Variants in KLHL13 observed in about 807,000 individuals in gnomAD.
KLHL13 encodes kelch-like protein 13.
In KLHL13, 10 loss-of-function variants were observed where a neutral mutation model predicts 37.1. The ratio of observed to expected loss-of-function variants is 0.27; its 90% confidence interval spans 0.17 to 0.46. The LOEUF (loss-of-function observed/expected upper bound fraction) is 0.46. Among genes scored for constraint, KLHL13 ranks in the 20% least tolerant of loss-of-function variants. The pLI is 1.00. For synonymous variants in KLHL13, 163 were observed against 181.2 expected (o/e 0.90, Z 0.81); for missense variants, 360 against 509.3 (o/e 0.71, Z 2.82).
At chrX:117,935,310 T>C (rs1569419830) in intron 2 of KLHL13, among the ~76,000 whole-genome samples, 1 of 112,461 alleles carries the variant, frequency 8.9e-6, no homozygotes. Flanking sequence ...TATGCCACAA[T>C]ATAGATGAAC....
chrX:117,925,711 T>A (rs764267632), intron 2 of KLHL13, among the ~76,000 whole-genome samples: 9 of 112,277 alleles, frequency 8.0e-5, no homozygotes, highest in Non-Finnish European at 7.5e-5. Flanking sequence ...TTTGATCTGA[T>A]CCCAACCTTA....
chrX:118,074,397 G>A (rs1246661799), intron 1 of KLHL13, among the ~76,000 whole-genome samples: 3 of 111,751 alleles, frequency 2.7e-5, no homozygotes, highest in Non-Finnish European at 5.6e-5. Context: ...TCATCCTGCT[G>A]TGGGGGTTCC....
rs141870533 is a variant in KLHL13 at position 118,096,583 on chromosome X, C to T, written c.-56+19925G>A. Among the ~76,000 whole-genome samples, 876 of 111,726 alleles carry T rather than the reference C, an allele frequency of 7.8e-3. 11 individuals are homozygous for T. Among genetic ancestry groups the T allele is most frequent in the African/African-American group, 0.026 (804 of 30,761 alleles). On this transcript the variant is annotated intron_variant, in intron 1 of 6. Coordinates refer to the KLHL13 transcript ENST00000371882. ...AATCCTCCCTAACTCTTTGATGAGGCCAGCATCATCCTGATACCAAAGCCT... is the reference window on the plus strand; with the variant it reads ...AATCCTCCCTAACTCTTTGATGAGGTCAGCATCATCCTGATACCAAAGCCT...
In KLHL13 at chrX:118,098,196, T is replaced by C. The variant is rs759788738; in HGVS notation, c.-56+18312A>G. ...ACCTACTCATTGGACAAAGGGCTAA[T>C]ATCCAGAATCTACAATGAACTCAAA... On this transcript the variant is annotated intron_variant, in intron 1 of 6. Coordinates refer to the KLHL13 transcript ENST00000371882. 2.7e-4 allele frequency among the ~76,000 whole-genome samples: 30 copies of C among 111,803 alleles called. 1 individual carries two copies. Among genetic ancestry groups the C allele is most frequent in the Non-Finnish European group, 1.7e-4 (9 of 53,222 alleles).
chrX:117,940,959 G>A (rs1428802836), intron 2 of KLHL13, among the ~76,000 whole-genome samples: 1 of 111,683 alleles, frequency 9.0e-6, no homozygotes, highest in Non-Finnish European at 1.9e-5. Context: ...TGATTGCCCT[G>A]GCCAGAACTT....
chrX:117,945,019 T>C (rs1003325819), intron 2 of KLHL13, among the ~76,000 whole-genome samples: 1 of 111,939 alleles, frequency 8.9e-6, no homozygotes, highest in African/African-American at 3.2e-5. Context: ...AAACAGGCTG[T>C]GAATGAGGAA....
At chrX:117,912,037 A>G (rs955978057) in intron 4 of KLHL13, among the ~76,000 whole-genome samples, 3 of 111,718 alleles carry the variant, frequency 2.7e-5, no homozygotes, top group Non-Finnish European at 5.6e-5. Flanking sequence ...ATTTAATCCA[A>G]TTTGAGGAGC....
intron 2 of KLHL13, among the ~76,000 whole-genome samples, chrX:117,934,350 G>A (rs1022497558): frequency 6.3e-5 from 7 of 111,538 alleles, no homozygotes; most frequent in Non-Finnish European, 1.1e-4. Context: ...TTATCAGACA[G>A]GAAAAGTGAA....
intron 1 of KLHL13, among the ~76,000 whole-genome samples, chrX:118,006,210 G>A (rs138428636): frequency 0.056 from 6,250 of 111,525 alleles, 427 homozygotes; most frequent in African/African-American, 0.19. Flanking sequence ...ATACAAAAAT[G>A]GTGGTAAAGG....
chrX:117,963,799 TGC>T (rs2053352157), intron 1 of KLHL13, among the ~76,000 whole-genome samples: 1 of 105,322 alleles, frequency 9.5e-6, no homozygotes, highest in African/African-American at 3.5e-5. Flanking sequence ...GGTTTTGATT[TGC>T]ATTTCTCTGA....
intron 1 of KLHL13, among the ~76,000 whole-genome samples, chrX:118,091,977 T>C (rs1307901874): frequency 8.9e-6 from 1 of 111,908 alleles, no homozygotes; most frequent in Non-Finnish European, 1.9e-5. Context: ...CCAAACATCA[T>C]GTATTCTCAC....
At chrX:117,965,020 C>T (rs147612888) in intron 1 of KLHL13, among the ~76,000 whole-genome samples, 9,517 of 111,513 alleles carry the variant, frequency 0.085, 358 homozygotes, top group Middle Eastern at 0.14. Context: ...CAAGTCTTTG[C>T]TATTGTGAAT....
At chrX:118,020,245 C>T (rs2054187223) in intron 1 of KLHL13, among the ~76,000 whole-genome samples, 1 of 110,289 alleles carries the variant, frequency 9.1e-6, no homozygotes, top group Non-Finnish European at 1.9e-5. Context: ...ATTTTATTCT[C>T]TTTGAAGCAA....
At chrX:117,980,156 A>G (rs1354327023) in intron 1 of KLHL13, among the ~76,000 whole-genome samples, 1 of 111,948 alleles carries the variant, frequency 8.9e-6, no homozygotes, top group Admixed American at 9.5e-5. Context: ...GAATACTGAA[A>G]TCTTTATATT....
chrX:117,995,605 A>G (rs886650720), intron 1 of KLHL13, among the ~76,000 whole-genome samples: 1 of 111,085 alleles, frequency 9.0e-6, no homozygotes, highest in African/African-American at 3.3e-5. Context: ...TTGTTGTGAA[A>G]CATTTTAATC....
intron 1 of KLHL13, among the ~76,000 whole-genome samples, chrX:118,053,282 C>T (rs755192234): frequency 8.9e-6 from 1 of 111,971 alleles, no homozygotes; most frequent in East Asian, 2.8e-4. Flanking sequence ...AAATGTGGCA[C>T]ATATACACCA....
chrX:117,911,552 C>T (rs6645989), intron 4 of KLHL13, among the ~76,000 whole-genome samples: 10,250 of 111,441 alleles, frequency 0.092, 434 homozygotes, highest in African/African-American at 0.16. Flanking sequence ...CTCCTCTAGC[C>T]TCCCAGCCTC....
At chrX:118,108,085 CA>C (rs1187067922) in intron 1 of KLHL13, among the ~76,000 whole-genome samples, 1 of 111,729 alleles carries the variant, frequency 9.0e-6, no homozygotes, top group East Asian at 2.8e-4. Context: ...AAGAGTGGAA[CA>C]GAAAACTTTG....
rs186264218 is a variant in KLHL13, at chrX:118,096,245, G to A, written c.-56+20263C>T. 9.3e-3 allele frequency among the ~76,000 whole-genome samples: 1,032 copies of A among 110,789 alleles called. 13 individuals carry two copies. Among genetic ancestry groups the A allele is most frequent in the African/African-American group, 0.032 (972 of 30,531 alleles). On this transcript the variant is annotated intron_variant, in intron 1 of 6. Transcript: ENST00000371882. Reference sequence around the variant, plus strand: ...GACACAATACAAAATGACAAAGGGGGTATCACCACCGATCCCACAGAAATA... The same window carrying A: ...GACACAATACAAAATGACAAAGGGGATATCACCACCGATCCCACAGAAATA...
Sources: allele counts gnomAD v4.1 joint callset (sites outside exome capture counted in the v4.1 genomes callset), GRCh38; gene constraint gnomAD v4.1.1; transcripts MANE v1.5; gene names NCBI Gene and HGNC (gene_info 2026-07-23, HGNC 2026-07-21).